FZD6: variants seen among roughly 807,000 people sequenced by gnomAD.
The protein encoded by FZD6 is frizzled class receptor 6, also known as frizzled-6.
Under a neutral mutation model 61.4 loss-of-function variants are expected in FZD6, and 49 were observed. The ratio of observed to expected loss-of-function variants is 0.80; its 90% CI spans 0.63 to 1.01. The LOEUF is 1.01. Among genes scored for constraint, FZD6 ranks in the 50% least tolerant of loss-of-function variants. FZD6 has a pLI of 0.00. For missense variants in FZD6, 724 were observed against 848.2 expected, an observed-to-expected ratio of 0.85 and a Z score of 1.82; for synonymous variants, 265 against 292.2, an observed-to-expected ratio of 0.91 and a Z score of 0.95.
In FZD6 at chr8:103,323,012, C is replaced by T. The variant is rs531173152; in HGVS notation, c.375-1469C>T. On this transcript the variant is annotated intron_variant, in intron 3 of 6. Coordinates refer to ENST00000358755, the MANE Select transcript of FZD6 (RefSeq NM_003506.4). Reference sequence around the variant, plus strand: ...TGATAAAATGAATGTAGTTGACCCACATCTGTCGACATGGATAAATCTAGA... The same window carrying T: ...TGATAAAATGAATGTAGTTGACCCATATCTGTCGACATGGATAAATCTAGA... Among the ~76,000 whole-genome samples, 16 of 152,182 alleles carry T rather than the reference C, an allele frequency of 1.1e-4. No homozygotes were observed. The South Asian group carries it at 3.3e-3, about 31-fold the overall frequency.
intron 4 of FZD6, among the ~76,000 whole-genome samples, chr8:103,326,058 ATAAAAG>A (rs1400600861): frequency 6.6e-6 from 1 of 152,188 alleles, no homozygotes; most frequent in East Asian, 1.9e-4. Context: ...TTTAAAATTA[ATAAAAG>A]TAAATTTCTG....
chr8:103,302,601 G>GT (rs897737819), intron 2 of FZD6, among the ~76,000 whole-genome samples: 13 of 150,830 alleles, frequency 8.6e-5, no homozygotes, highest in East Asian at 1.9e-4. Context: ...TCTTTAACTG[G>GT]TTTTTTTTTA....
chr8:103,320,533 T>C (rs1385695182), intron 3 of FZD6, among the ~76,000 whole-genome samples: 5 of 151,422 alleles, frequency 3.3e-5, no homozygotes, highest in African/African-American at 1.2e-4. Flanking sequence ...GGGAGCGAAA[T>C]GAAGAGAGAA....
In FZD6 at chr8:103,324,745, T is replaced by G. The variant is rs369434689; in HGVS notation, c.639T>G (p.Thr213=). 2 of 1,613,954 alleles carry G rather than the reference T, an allele frequency of 1.2e-6. No homozygotes were observed. The highest frequency in any genetic ancestry group is 2.7e-5 in the African/African-American group (2 of 74,964). Reference sequence around the variant, plus strand: ...TTTCAATATTTTGTCTTTGTGCAACTCTGTTCACATTCCTTACTTTTTTAA... The same window carrying G: ...TTTCAATATTTTGTCTTTGTGCAACGCTGTTCACATTCCTTACTTTTTTAA... ...GTVSIFCLCA[T]LFTFLTFLID... The change falls in exon 4 of 7, where the codon ACT becomes ACG. Residue 213 remains threonine, a synonymous_variant. Coordinates refer to ENST00000358755, the MANE Select transcript of FZD6 (RefSeq NM_003506.4).
At chr8:103,328,844 T>C (rs1418448707) in intron 5 of FZD6, among the ~76,000 whole-genome samples, 1 of 151,252 alleles carries the variant, frequency 6.6e-6, no homozygotes, top group Non-Finnish European at 1.5e-5. Context: ...AAAGTATGAT[T>C]CAAATATAAG....
At position 103,324,615 on chromosome 8, in the gene FZD6, G is replaced by T. The variant is rs753667894; in HGVS notation, c.509G>T (p.Gly170Val). 13 of 1,614,026 alleles carry T rather than the reference G, an allele frequency of 8.1e-6. No homozygotes were observed. The highest frequency in any genetic ancestry group is 1.7e-5 in the Admixed American group (1 of 59,980). ...WCPRHLKTSG[G>V]QGYKFLGIDQ... ...CCAAGGCATCTTAAGACTTCTGGGG[G>T]ACAAGGATATAAGTTTCTGGGAATT... The change falls in exon 4 of 7, where the codon GGA becomes GTA. Residue 170 changes from glycine (G) to valine (V), a missense_variant. By Grantham distance (109) the Gly-to-Val change is moderately radical. Transcript: ENST00000358755.
Position 103,300,104 on chromosome 8 carries a change from G to A in FZD6, c.-4G>A. 2.6e-6 allele frequency: 4 copies of A among 1,559,982 alleles called. No homozygotes were observed. The highest frequency in any genetic ancestry group is 3.5e-6 in the Non-Finnish European group (4 of 1,130,458). ...CATGTGGTAAAATCAGGAATTTGAA[G>A]AAAATGGAAATGTTTACATTTTTGT... On this transcript the variant is annotated 5_prime_UTR_variant, in exon 2 of 7. Coordinates refer to ENST00000358755, the MANE Select transcript of FZD6 (RefSeq NM_003506.4).
At position 103,318,776 on chromosome 8, in the gene FZD6, G is replaced by C. The variant is rs1319580028; in HGVS notation, c.364G>C (p.Glu122Gln). 2 of 1,587,154 alleles carry C rather than the reference G, an allele frequency of 1.3e-6. No individual in the cohort carries two copies. Among genetic ancestry groups the C allele is most frequent in the South Asian group, 2.2e-5 (2 of 90,510 alleles). ...TFGIRWPEELECDRLQYCDET... is the reference protein window; with the variant it reads ...TFGIRWPEELQCDRLQYCDET... Reference sequence around the variant, plus strand: ...TGGGATCCGATGGCCTGAGGAGCTTGAATGTGACAGGTAAACAATGTTTTT... The same window carrying C: ...TGGGATCCGATGGCCTGAGGAGCTTCAATGTGACAGGTAAACAATGTTTTT... Residue 122 changes from glutamate (E) to glutamine (Q), a missense_variant, in exon 3 of 7, where the codon GAA becomes CAA. Glu to Gln is a conservative substitution (Grantham distance 29, BLOSUM62 2). Coordinates refer to ENST00000358755, the MANE Select transcript of FZD6 (RefSeq NM_003506.4).
In FZD6 at chr8:103,324,948, C is replaced by A; in HGVS notation, c.842C>A (p.Ala281Asp). ...GTTGTCCTAGGCTCTCAAAATAAGGCTTGCACCGTTTTGTTCATGCTTTTG... is the reference window on the plus strand; with the variant it reads ...GTTGTCCTAGGCTCTCAAAATAAGGATTGCACCGTTTTGTTCATGCTTTTG... The part of the protein sequence containing the change: ...DTVVLGSQNK[A>D]CTVLFMLLYF... The change falls in exon 4 of 7, where the codon GCT becomes GAT. Residue 281 changes from alanine to aspartate, a missense_variant. Ala to Asp is a moderately radical substitution (Grantham distance 126, BLOSUM62 -2). Coordinates refer to ENST00000358755, the MANE Select transcript of FZD6 (RefSeq NM_003506.4). 5 of 1,614,126 alleles carry A rather than the reference C, an allele frequency of 3.1e-6. 1 individual carries two copies. In the South Asian group the frequency reaches 5.5e-5, roughly 18 times the overall value.
intron 2 of FZD6, among the ~76,000 whole-genome samples, chr8:103,318,124 C>A (rs1232510687): frequency 6.6e-6 from 1 of 152,034 alleles, no homozygotes; most frequent in Admixed American, 6.6e-5. Flanking sequence ...GAGAAGAGGT[C>A]TTGGGGACTG....
At chr8:103,328,746 C>A (rs987134399) in intron 5 of FZD6, among the ~76,000 whole-genome samples, 5 of 151,092 alleles carry the variant, frequency 3.3e-5, no homozygotes, top group Non-Finnish European at 5.9e-5. Flanking sequence ...TCATTGGATT[C>A]ATTATTTTGG....
intron 2 of FZD6, among the ~76,000 whole-genome samples, chr8:103,300,717 GAAAT>G (rs1290145505): frequency 1.3e-5 from 2 of 152,052 alleles, no homozygotes; most frequent in Non-Finnish European, 2.9e-5. Flanking sequence ...CAGTTTTTCT[GAAAT>G]AAATAAATTA....
intron 6 of FZD6, among the ~76,000 whole-genome samples, chr8:103,330,663 G>A (rs561891083): frequency 1.6e-4 from 25 of 152,198 alleles, no homozygotes; most frequent in Non-Finnish European, 3.1e-4. Context: ...TTATCTTCTC[G>A]TAGATTTGTA....
intron 3 of FZD6, among the ~76,000 whole-genome samples, chr8:103,320,956 T>C (rs1814769984): frequency 6.6e-6 from 1 of 152,188 alleles, no homozygotes; most frequent in Non-Finnish European, 1.5e-5. Flanking sequence ...AGGCAAAAAT[T>C]CCTGCCATCA....
At chr8:103,318,916 C>A in intron 3 of FZD6, 130 bp downstream of exon 3, 1 of 707,160 alleles carries the variant, frequency 1.4e-6, no homozygotes, top group Admixed American at 2.1e-5. Context: ...ATATGTCAGG[C>A]ACTATGGTGC....
chr8:103,328,450 T>G, intron 5 of FZD6, 34 bp downstream of exon 5: 1 of 1,464,100 alleles, frequency 6.8e-7, no homozygotes. Flanking sequence ...ACACAATTTT[T>G]AAATAAATAG....
intron 2 of FZD6, among the ~76,000 whole-genome samples, chr8:103,307,082 C>T (rs1001098870): frequency 1.3e-5 from 2 of 152,214 alleles, no homozygotes; most frequent in Middle Eastern, 3.4e-3. Context: ...AAGTGACAAA[C>T]GTTTATGTAT....
intron 3 of FZD6, among the ~76,000 whole-genome samples, chr8:103,320,939 T>G (rs1338531790): frequency 6.6e-6 from 1 of 152,134 alleles, no homozygotes. Flanking sequence ...GGCACTAGAG[T>G]TACAACAGGC....
chr8:103,314,740 A>G (rs1219207243), intron 2 of FZD6, among the ~76,000 whole-genome samples: 1 of 152,150 alleles, frequency 6.6e-6, no homozygotes, highest in Non-Finnish European at 1.5e-5. Flanking sequence ...GTAGTCTGTA[A>G]TCAAGGCTTA....
Sources: gnomAD v4.1 joint callset for allele counts (sites outside exome capture counted in the v4.1 genomes callset) on GRCh38, gnomAD v4.1.1 for gene constraint, MANE v1.5 for transcripts, NCBI Gene and HGNC (gene_info 2026-07-23, HGNC 2026-07-21) for gene names.